PDZRN3: variants seen among roughly 807,000 people sequenced by gnomAD.
The protein encoded by PDZRN3 is PDZ domain containing ring finger 3.
In PDZRN3, 38 loss-of-function variants were observed where a neutral mutation model predicts 85.7. That is an observed-to-expected ratio of 0.44 (90% CI 0.34 to 0.58). The LOEUF is 0.58. Ranked by LOEUF, PDZRN3 falls within the 20% of genes least tolerant of loss-of-function variation. The pLI, the probability that PDZRN3 is intolerant of heterozygous loss-of-function variation, is 0.01. For missense variants in PDZRN3, 1,629 were observed against 1,506.4 expected (o/e 1.08, Z -1.35); for synonymous variants, 759 against 638.0 (o/e 1.19, Z -2.86).
intron 3 of PDZRN3, among the ~76,000 whole-genome samples, chr3:73,566,436 A>G (rs533843604): frequency 2.5e-4 from 38 of 152,348 alleles, no homozygotes; most frequent in African/African-American, 8.4e-4. Flanking sequence ...GAAAATATGA[A>G]TTTATGTAAG....
At chr3:73,512,047 T>C (rs1483965197) in intron 3 of PDZRN3, among the ~76,000 whole-genome samples, 1 of 150,610 alleles carries the variant, frequency 6.6e-6, no homozygotes, top group Non-Finnish European at 1.5e-5. Flanking sequence ...TTTGTTATTG[T>C]TGTTAATTCC....
chr3:73,605,287 G>A (rs2106900585), intron 2 of PDZRN3, among the ~76,000 whole-genome samples: 1 of 152,142 alleles, frequency 6.6e-6, no homozygotes, highest in East Asian at 1.9e-4. Context: ...TCCTAAGAGA[G>A]TTAGTTACAG....
chr3:73,487,631 T>A (rs1173594033), intron 3 of PDZRN3, among the ~76,000 whole-genome samples: 1 of 152,214 alleles, frequency 6.6e-6, no homozygotes, highest in East Asian at 1.9e-4. Context: ...CTTTCTTTTT[T>A]TTCCCCCATA....
rs1701288313 is a variant in PDZRN3 at position 73,384,153 on chromosome 3, A to G, written c.2413T>C (p.Ser805Pro). 2 of 1,613,916 alleles carry G rather than the reference A, an allele frequency of 1.2e-6. No homozygotes were observed. Among genetic ancestry groups the G allele is most frequent in the Non-Finnish European group, 1.7e-6 (2 of 1,180,014 alleles). ...TCCGTGATGGAGAGCAGATTCTTGG[A>G]GGCTGGCCCGTAGGCTTCCGTGGTC... ...VGTTEAYGPA[S>P]KNLLSITEDP... Residue 805 changes from serine (S) to proline (P), a missense_variant, in exon 10 of 10, where the codon TCC becomes CCC. Ser to Pro is a moderately conservative substitution (Grantham distance 74). Transcript: ENST00000263666.
intron 3 of PDZRN3, among the ~76,000 whole-genome samples, chr3:73,416,909 T>G (rs1702102529): frequency 2.2e-5 from 2 of 92,536 alleles, no homozygotes; most frequent in Non-Finnish European, 4.2e-5. Flanking sequence ...TTTTTTTTTT[T>G]GAGACAGAGT....
chr3:73,492,915 A>C (rs529054223), intron 3 of PDZRN3, among the ~76,000 whole-genome samples: 2 of 150,310 alleles, frequency 1.3e-5, no homozygotes, highest in Admixed American at 1.3e-4. Flanking sequence ...ATTATGTATC[A>C]ATTTTTAAAA....
chr3:73,537,112 G>C (rs1037487860), intron 3 of PDZRN3, among the ~76,000 whole-genome samples: 5 of 152,086 alleles, frequency 3.3e-5, no homozygotes, highest in African/African-American at 9.7e-5. Context: ...CAGTTGGCTG[G>C]GGGTCAGGTA....
At chr3:73,488,887 T>A (rs1209227689) in intron 3 of PDZRN3, among the ~76,000 whole-genome samples, 4 of 152,262 alleles carry the variant, frequency 2.6e-5, no homozygotes, top group African/African-American at 9.6e-5. Context: ...TCTCTGCTGC[T>A]GATTTCCATC....
intron 3 of PDZRN3, among the ~76,000 whole-genome samples, chr3:73,532,931 A>T (rs1704692408): frequency 6.6e-6 from 1 of 152,196 alleles, no homozygotes; most frequent in Admixed American, 6.5e-5. Context: ...TCCTGACCAG[A>T]AGAATCTAGA....
chr3:73,541,129 A>C (rs146607277), intron 3 of PDZRN3, among the ~76,000 whole-genome samples: 20 of 152,342 alleles, frequency 1.3e-4, no homozygotes, highest in African/African-American at 4.3e-4. Flanking sequence ...AATGTTGCCT[A>C]ACCTCCATTA....
At chr3:73,431,022 C>T (rs1210954665) in intron 3 of PDZRN3, among the ~76,000 whole-genome samples, 3 of 152,166 alleles carry the variant, frequency 2.0e-5, no homozygotes, top group African/African-American at 7.2e-5. Flanking sequence ...ACCACCTGGA[C>T]ACCACAGTTA....
At position 73,562,997 on chromosome 3, in the gene PDZRN3, ATATATATATATATATATTTT is replaced by A. The variant is rs1400489868; in HGVS notation, c.918+39337_918+39356del. 2.0e-4 allele frequency among the ~76,000 whole-genome samples: 6 copies of A among 30,686 alleles called. 1 individual carries two copies. Among genetic ancestry groups the A allele is most frequent in the South Asian group, 1.3e-3 (1 of 750 alleles). The allele number at this position is 30,686 out of a possible 152,430, so 20.1% of individuals were successfully genotyped here. Reference sequence around the variant, plus strand: ...AAGTTGGCAAATTATATATATATATATATATATATATATATATTTTTTTTTTTTTTTTTTTTTTTGAGACA... The same window carrying A: ...AAGTTGGCAAATTATATATATATATATTTTTTTTTTTTTTTTTTTGAGACA... On this transcript the variant is annotated intron_variant, in intron 3 of 9. Coordinates refer to ENST00000263666, the MANE Select transcript of PDZRN3 (RefSeq NM_015009.3).
intron 3 of PDZRN3, among the ~76,000 whole-genome samples, chr3:73,537,166 C>T (rs906082953): frequency 6.6e-6 from 1 of 152,128 alleles, no homozygotes; most frequent in African/African-American, 2.4e-5. Context: ...CAATGTACAC[C>T]ACTCCTGAGC....
chr3:73,560,776 C>T (rs1439877490), intron 3 of PDZRN3, among the ~76,000 whole-genome samples: 1 of 152,158 alleles, frequency 6.6e-6, no homozygotes, highest in Non-Finnish European at 1.5e-5. Context: ...CATGGCTGAG[C>T]CTCATTCATG....
chr3:73,402,383 G>C (rs1415157377), intron 4 of PDZRN3: 3 of 152,244 alleles, frequency 2.0e-5, no homozygotes, highest in African/African-American at 7.2e-5. Context: ...TTGTTCCAGA[G>C]GATGGAATGG....
chr3:73,548,358 G>A (rs369188202), intron 3 of PDZRN3, among the ~76,000 whole-genome samples: 33 of 152,266 alleles, frequency 2.2e-4, no homozygotes, highest in Admixed American at 9.2e-4. Context: ...AGATACAGAC[G>A]TTTTATTTCC....
chr3:73,532,776 C>T (rs1704688377), intron 3 of PDZRN3, among the ~76,000 whole-genome samples: 1 of 152,136 alleles, frequency 6.6e-6, no homozygotes, highest in Admixed American at 6.5e-5. Flanking sequence ...TACAGATCTC[C>T]ATGTTATTTG....
intron 3 of PDZRN3, among the ~76,000 whole-genome samples, chr3:73,464,131 G>A (rs1025794833): frequency 3.7e-4 from 56 of 152,142 alleles, no homozygotes; most frequent in African/African-American, 1.1e-3. Context: ...GATCACAGAC[G>A]CACATCACCA....
At chr3:73,591,050 G>A (rs1702350443) in intron 3 of PDZRN3, among the ~76,000 whole-genome samples, 1 of 152,030 alleles carries the variant, frequency 6.6e-6, no homozygotes, top group African/African-American at 2.4e-5. Context: ...GTATCAGTAA[G>A]GGTTTCTATA....
Sources: gnomAD v4.1 joint callset for allele counts (sites outside exome capture counted in the v4.1 genomes callset) on GRCh38, gnomAD v4.1.1 for gene constraint, MANE v1.5 for transcripts, NCBI Gene and HGNC (gene_info 2026-07-23, HGNC 2026-07-21) for gene names.